UVRAG: variants seen among roughly 807,000 people sequenced by gnomAD.
The protein encoded by UVRAG is UV radiation resistance associated.
Under a neutral mutation model 78.0 loss-of-function variants are expected in UVRAG, and 19 were observed. The ratio of observed to expected loss-of-function variants is 0.24; its 90% CI spans 0.17 to 0.36. UVRAG has a LOEUF of 0.36. Ranked by LOEUF, UVRAG falls within the 10% of genes least tolerant of loss-of-function variation. The probability of loss-of-function intolerance (pLI) is 1.00; values close to 1 mark genes in which losing one functional copy is unlikely to be tolerated. For synonymous variants in UVRAG, 323 were observed against 324.6 expected, an observed-to-expected ratio of 1.00 and a Z score of 0.05; for missense variants, 740 against 853.8, an observed-to-expected ratio of 0.87 and a Z score of 1.66.
chr11:75,903,832 G>T (rs149768909), intron 5 of UVRAG, among the ~76,000 whole-genome samples: 1 of 152,306 alleles, frequency 6.6e-6, no homozygotes, highest in East Asian at 1.9e-4. Flanking sequence ...ATAAGTATAT[G>T]TATAATGCTA....
rs367953127 is a variant in UVRAG at position 75,953,161 on chromosome 11, C to T, written c.594-8283C>T. On this transcript the variant is annotated intron_variant, in intron 6 of 14. Coordinates refer to ENST00000356136, the MANE Select transcript of UVRAG (RefSeq NM_003369.4). Reference sequence around the variant, plus strand: ...CATTCTTTATCTCTCTTCTCTCTCACTTTTCACATTTACACCATCTTTCCT... The same window carrying T: ...CATTCTTTATCTCTCTTCTCTCTCATTTTTCACATTTACACCATCTTTCCT... Among the ~76,000 whole-genome samples the T allele has an allele frequency of 3.3e-5, 5 of 152,240 alleles. No individual in the cohort carries two copies. In the East Asian group the frequency reaches 7.7e-4, roughly 23 times the overall value.
rs867331525 is a variant in UVRAG, at chr11:76,110,232, G to A, written c.1306-5692G>A. ...GGTACATATATATATATATATATATGTATTAGTAATGATAACAGGTATTTT... is the reference window on the plus strand; with the variant it reads ...GGTACATATATATATATATATATATATATTAGTAATGATAACAGGTATTTT... On this transcript the variant is annotated intron_variant, in intron 13 of 14. Transcript: ENST00000356136. 6.7e-4 allele frequency among the ~76,000 whole-genome samples: 84 copies of A among 125,292 alleles called. 1 individual carries two copies. The highest frequency in any genetic ancestry group is 2.3e-3 in the African/African-American group (49 of 21,754). 82.2% of individuals were successfully genotyped at this position (125,292 alleles called of 152,430 possible).
chr11:75,927,312 G>A (rs1339428826), intron 6 of UVRAG, among the ~76,000 whole-genome samples: 9 of 152,016 alleles, frequency 5.9e-5, no homozygotes, highest in South Asian at 4.1e-4. Context: ...CTGGTGATCC[G>A]TCTGCCTTGG....
intron 12 of UVRAG, among the ~76,000 whole-genome samples, chr11:76,042,675 G>A (rs1223229642): frequency 2.6e-5 from 4 of 152,196 alleles, no homozygotes; most frequent in African/African-American, 9.7e-5. Flanking sequence ...ACAGACACGT[G>A]GCTGTGATGC....
intron 13 of UVRAG, among the ~76,000 whole-genome samples, chr11:76,085,063 CAAAAA>C (rs781218840): frequency 4.0e-5 from 2 of 49,588 alleles, no homozygotes; most frequent in Admixed American, 2.5e-4. Context: ...GACCCTGTCT[CAAAAA>C]AAAAAAAAAA....
At chr11:76,025,662 A>G (rs956763511) in intron 12 of UVRAG, among the ~76,000 whole-genome samples, 8 of 152,268 alleles carry the variant, frequency 5.3e-5, no homozygotes, top group Admixed American at 2.0e-4. Flanking sequence ...CAAAACCCCA[A>G]GAGTTGCCCT....
chr11:75,915,420 T>A (rs1947829035), intron 6 of UVRAG, among the ~76,000 whole-genome samples: 1 of 152,230 alleles, frequency 6.6e-6, no homozygotes, highest in Non-Finnish European at 1.5e-5. Flanking sequence ...TGTGGGATAG[T>A]AATTGAACTA....
chr11:76,053,453 C>T (rs1292506655), intron 12 of UVRAG, among the ~76,000 whole-genome samples: 1 of 152,092 alleles, frequency 6.6e-6, no homozygotes, highest in Non-Finnish European at 1.5e-5. Context: ...TTTGACTCCT[C>T]CCCTCTTTAC....
chr11:75,933,270 A>G (rs1030266077), intron 6 of UVRAG, among the ~76,000 whole-genome samples: 3 of 152,184 alleles, frequency 2.0e-5, no homozygotes, highest in Non-Finnish European at 2.9e-5. Context: ...GATCAGTCTC[A>G]TCAATAAATG....
At chr11:76,113,750 T>G (rs1952125651) in intron 13 of UVRAG, among the ~76,000 whole-genome samples, 1 of 152,130 alleles carries the variant, frequency 6.6e-6, no homozygotes, top group South Asian at 2.1e-4. Context: ...AGGATGCTCT[T>G]GTCTTCCTGG....
intron 13 of UVRAG, among the ~76,000 whole-genome samples, chr11:76,077,232 T>C (rs1951419952): frequency 6.6e-6 from 1 of 151,082 alleles, no homozygotes; most frequent in Non-Finnish European, 1.5e-5. Flanking sequence ...CAAAAAATTA[T>C]ATTTATTTAT....
chr11:76,062,836 T>C (rs1244437401), intron 12 of UVRAG, among the ~76,000 whole-genome samples: 3 of 152,240 alleles, frequency 2.0e-5, no homozygotes, highest in Non-Finnish European at 4.4e-5. Flanking sequence ...AAACGTTCTC[T>C]AGAAACATAA....
intron 4 of UVRAG, among the ~76,000 whole-genome samples, chr11:75,887,573 G>A (rs1003127535): frequency 2.0e-5 from 3 of 150,902 alleles, no homozygotes; most frequent in Non-Finnish European, 4.4e-5. Context: ...TCAGCCTCCC[G>A]AGTAGCTGGG....
chr11:76,037,599 C>T (rs1950559987), intron 12 of UVRAG, among the ~76,000 whole-genome samples: 1 of 150,796 alleles, frequency 6.6e-6, no homozygotes, highest in South Asian at 2.1e-4. Context: ...TAAGTCCCAG[C>T]TACTCAAGAG....
chr11:76,101,822 A>G (rs1591239465), intron 13 of UVRAG, among the ~76,000 whole-genome samples: 1 of 152,204 alleles, frequency 6.6e-6, no homozygotes, highest in East Asian at 1.9e-4. Context: ...TCCCAGCACC[A>G]TTTATTGAAT....
At chr11:75,839,485 G>A (rs1338533545) in intron 1 of UVRAG, among the ~76,000 whole-genome samples, 1 of 151,866 alleles carries the variant, frequency 6.6e-6, no homozygotes, top group Non-Finnish European at 1.5e-5. Context: ...GTGTGTGTGT[G>A]TATTTTTGAT....
intron 12 of UVRAG, among the ~76,000 whole-genome samples, chr11:76,035,277 G>A (rs982002824): frequency 6.6e-6 from 1 of 152,124 alleles, no homozygotes; most frequent in African/African-American, 2.4e-5. Flanking sequence ...TCTGGTTTCT[G>A]TATTGGTGGT....
intron 13 of UVRAG, among the ~76,000 whole-genome samples, chr11:76,104,493 C>T (rs1951936538): frequency 6.6e-6 from 1 of 152,134 alleles, no homozygotes; most frequent in Non-Finnish European, 1.5e-5. Context: ...AGCATTGATT[C>T]CTGGCACATA....
In UVRAG at chr11:75,886,365, G is replaced by T. The variant is rs560430327; in HGVS notation, c.433-2464G>T. Among the ~76,000 whole-genome samples, 3 of 152,128 alleles carry T rather than the reference G, an allele frequency of 2.0e-5. No individual in the cohort carries two copies. In the South Asian group the frequency reaches 6.2e-4, roughly 32 times the overall value. ...TGGACAATTTGGAAAATTTAGAAAA[G>T]CACAGAAAAGAGAATAAAAAATTAC... On this transcript the variant is annotated intron_variant, in intron 4 of 14. Coordinates refer to ENST00000356136, the MANE Select transcript of UVRAG (RefSeq NM_003369.4).
Sources: gnomAD v4.1 joint callset for allele counts (sites outside exome capture counted in the v4.1 genomes callset) on GRCh38, gnomAD v4.1.1 for gene constraint, MANE v1.5 for transcripts, NCBI Gene and HGNC (gene_info 2026-07-23, HGNC 2026-07-21) for gene names.